Variants in UBR1 observed in about 807,000 individuals in gnomAD.
UBR1 encodes E3 ubiquitin-protein ligase UBR1.
A neutral mutation model predicts 242.1 loss-of-function variants in UBR1; 102 were observed. The ratio of observed to expected loss-of-function variants is 0.42; its 90% confidence interval spans 0.36 to 0.50. The LOEUF (loss-of-function observed/expected upper bound fraction) is 0.50, where lower values mean the gene tolerates loss of function less well. UBR1 is among the 20% of genes least tolerant of loss of function. The pLI, the probability that UBR1 is intolerant of heterozygous loss-of-function variation, is 0.01. For synonymous variants in UBR1, 675 were observed against 684.8 expected (o/e 0.99, Z 0.22); for missense variants, 1,772 against 2,101.8 (o/e 0.84, Z 3.07).
intron 29 of UBR1, chr15:43,011,811 G>A: frequency 2.7e-6 from 1 of 372,464 alleles, no homozygotes; most frequent in East Asian, 8.3e-5. Context: ...CATACAAAAA[G>A]ATTCTCACGA....
At chr15:43,032,473 G>C (rs558556643) in intron 20 of UBR1, 95 bp downstream of exon 20, 1 of 843,056 alleles carries the variant, frequency 1.2e-6, no homozygotes, top group East Asian at 2.7e-5. Flanking sequence ...TGCAGTATAC[G>C]AATAAGGAGT....
intron 40 of UBR1, 127 bp from the exon 41 acceptor site, chr15:42,966,413 A>G: frequency 7.4e-7 from 1 of 1,349,182 alleles, no homozygotes; most frequent in Non-Finnish European, 1.0e-6. Context: ...CAATTTTTAA[A>G]CATTTAAAAC....
chr15:43,056,744 T>C (rs1237561698), intron 10 of UBR1, among the ~76,000 whole-genome samples: 4 of 152,150 alleles, frequency 2.6e-5, no homozygotes, highest in African/African-American at 7.2e-5. Context: ...TGCAATGGTA[T>C]AGTTTATCCT....
chr15:43,029,911 G>C, intron 21 of UBR1, 33 bp downstream of exon 21: 1 of 1,613,202 alleles, frequency 6.2e-7, no homozygotes, highest in Middle Eastern at 1.7e-4. Flanking sequence ...CCCATCTTGA[G>C]GTACATAGAG....
chr15:43,076,247 G>T (rs572962460), intron 3 of UBR1, among the ~76,000 whole-genome samples: 1 of 151,638 alleles, frequency 6.6e-6, no homozygotes, highest in Non-Finnish European at 1.5e-5. Context: ...CTCCCGAGGC[G>T]CCGGGATTGC....
rs2032297827 is a variant in UBR1, at chr15:42,976,846, G to C, written c.4240C>G (p.Pro1414Ala). The change falls in exon 39 of 47, where the codon CCA becomes GCA. Residue 1414 changes from proline (P) to alanine (A), a missense_variant. Pro to Ala is a conservative substitution (Grantham distance 27). Coordinates refer to ENST00000290650, the MANE Select transcript of UBR1 (RefSeq NM_174916.3). ...HVLVGAVLAF[P>A]SLYWDDPVDL... is the part of the protein sequence containing the mutation. ...ACAGGGTCATCCCAATACAAGGATG[G>C]GAATGCTAACACAGCACCCACCTAT... 6.2e-7 allele frequency: 1 copy of C among 1,613,722 alleles called. No homozygotes were observed.
chr15:42,988,537 C>T, intron 35 of UBR1: 1 of 396,446 alleles, frequency 2.5e-6, no homozygotes, highest in Non-Finnish European at 4.7e-6. Context: ...CCCACCTCAG[C>T]CTCCCAAAGC....
intron 30 of UBR1, among the ~76,000 whole-genome samples, chr15:43,006,130 GCA>G (rs1459385010): frequency 7.1e-6 from 1 of 141,778 alleles, no homozygotes; most frequent in Non-Finnish European, 1.6e-5. Context: ...GAAAAGAAAA[GCA>G]CAGATTGAGG....
intron 3 of UBR1, among the ~76,000 whole-genome samples, chr15:43,076,241 C>G (rs1246423976): frequency 6.6e-6 from 1 of 151,908 alleles, no homozygotes; most frequent in African/African-American, 2.4e-5. Context: ...CTCGGCCTCC[C>G]GAGGCGCCGG....
intron 21 of UBR1, among the ~76,000 whole-genome samples, chr15:43,028,429 T>C (rs2033205259): frequency 6.6e-6 from 1 of 152,118 alleles, no homozygotes; most frequent in African/African-American, 2.4e-5. Flanking sequence ...CTTGTAAAGA[T>C]AAGAAAGGTA....
At chr15:42,977,510 C>T (rs946063498) in intron 38 of UBR1, among the ~76,000 whole-genome samples, 2 of 152,088 alleles carry the variant, frequency 1.3e-5, no homozygotes, top group African/African-American at 4.8e-5. Context: ...TGGTCCTCAT[C>T]ACCAAATAAT....
chr15:43,027,504 A>G (rs2033193179), intron 22 of UBR1, among the ~76,000 whole-genome samples: 1 of 152,186 alleles, frequency 6.6e-6, no homozygotes, highest in South Asian at 2.1e-4. Flanking sequence ...TGGGAAAGAG[A>G]GTATCAGAAA....
intron 20 of UBR1, among the ~76,000 whole-genome samples, 180 bp downstream of exon 20, chr15:43,032,388 G>T (rs866961286): frequency 2.6e-5 from 4 of 152,014 alleles, no homozygotes; most frequent in Non-Finnish European, 5.9e-5. Flanking sequence ...CTCCAAATAA[G>T]TCAAAACATT....
chr15:43,067,802 C>T, intron 6 of UBR1, 96 bp downstream of exon 6: 1 of 1,470,452 alleles, frequency 6.8e-7, no homozygotes, highest in Non-Finnish European at 9.4e-7. Context: ...AGAGGATGGT[C>T]AGACCTAGCA....
intron 18 of UBR1, 68 bp from the exon 19 acceptor site, chr15:43,036,347 C>T: frequency 6.9e-7 from 1 of 1,456,586 alleles, no homozygotes; most frequent in East Asian, 2.3e-5. Context: ...TCATGTAGGA[C>T]TGTCAAAAAT....
chr15:42,951,741 C>T (rs2141249499), intron 45 of UBR1, among the ~76,000 whole-genome samples: 1 of 152,200 alleles, frequency 6.6e-6, no homozygotes, highest in African/African-American at 2.4e-5. Flanking sequence ...ACCTCAGCCT[C>T]TCAAGTAGCT....
chr15:42,981,301 C>T (rs760858990), intron 37 of UBR1, among the ~76,000 whole-genome samples: 3 of 152,268 alleles, frequency 2.0e-5, no homozygotes, highest in Middle Eastern at 6.8e-3. Context: ...TCAAACCTAT[C>T]TACTTGAACA....
chr15:43,011,876 A>G (rs963760301), intron 29 of UBR1: 15 of 445,622 alleles, frequency 3.4e-5, no homozygotes, highest in Non-Finnish European at 5.4e-5. Context: ...AGATGAATAA[A>G]CTATTATATA....
intron 40 of UBR1, among the ~76,000 whole-genome samples, chr15:42,967,658 C>A (rs1308803116): frequency 6.6e-6 from 1 of 151,790 alleles, no homozygotes; most frequent in African/African-American, 2.4e-5. Context: ...TCAATTGTAA[C>A]AAATGGTACC....
Sources: gnomAD v4.1 joint callset for allele counts (sites outside exome capture counted in the v4.1 genomes callset) on GRCh38, gnomAD v4.1.1 for gene constraint, MANE v1.5 for transcripts, NCBI Gene and HGNC (gene_info 2026-07-23, HGNC 2026-07-21) for gene names.